Variants in CMTM4 observed in about 807,000 individuals in gnomAD.
CMTM4 encodes the protein CKLF like MARVEL transmembrane domain containing 4.
A neutral mutation model predicts 19.0 loss-of-function variants in CMTM4; 8 were observed. That is an observed-to-expected ratio of 0.42 (90% CI 0.25 to 0.76). The LOEUF (loss-of-function observed/expected upper bound fraction) is 0.76, where lower values mean the gene tolerates loss of function less well. CMTM4 is among the 30% of genes least tolerant of loss of function. The probability of loss-of-function intolerance (pLI) is 0.27; values close to 1 mark genes in which losing one functional copy is unlikely to be tolerated. For synonymous variants in CMTM4, 106 were observed against 121.1 expected, an observed-to-expected ratio of 0.88 and a Z score of 0.82; for missense variants, 228 against 290.2, an observed-to-expected ratio of 0.79 and a Z score of 1.56.
chr16:66,604,827 C>T, the CMTM4 span: 1 of 1,315,202 alleles, frequency 7.6e-7, no homozygotes. Context: ...AGACCCCGAC[C>T]CCGACCCGGA....
rs1248449877 is a variant in CMTM4 at position 66,619,666 on chromosome 16, C to CACGT, written c.*2388_*2391dup. Reference sequence around the variant, plus strand: ...CTATTCCCTCCAGAACTTTCGTCACCACGTGGTCTATACATGATGACATGT... The same window carrying CACGT: ...CTATTCCCTCCAGAACTTTCGTCACCACGTACGTGGTCTATACATGATGACATGT... On this transcript the variant is annotated 3_prime_UTR_variant, in exon 4 of 4. Transcript: ENST00000394106. 3.0e-6 allele frequency: 3 copies of CACGT among 985,342 alleles called. No homozygotes were observed. The highest frequency in any genetic ancestry group is 3.6e-6 in the Non-Finnish European group (3 of 829,930). 61.0% of individuals were successfully genotyped at this position (985,342 alleles called of 1,614,324 possible).
rs946614809 is a variant in CMTM4, at chr16:66,621,724, G to A, written c.*334C>T. The A allele has an allele frequency of 4.5e-6, 5 of 1,107,488 alleles. No individual in the cohort carries two copies. The highest frequency in any genetic ancestry group is 4.0e-4 in the Middle Eastern group (1 of 2,470). 68.6% of individuals were successfully genotyped at this position (1,107,488 alleles called of 1,614,324 possible). On this transcript the variant is annotated 3_prime_UTR_variant, in exon 4 of 4. Transcript: ENST00000394106. ...ATTCCTTCATATTTCCCCCCTCTTA[G>A]CAGCCCCATTTAATCCAAAGTCTTG... is the stretch of plus-strand genomic sequence containing the variant.
chr16:66,598,993 T>C, the CMTM4 span, among the ~76,000 whole-genome samples: 1 of 151,214 alleles, frequency 6.6e-6, no homozygotes, highest in East Asian at 1.9e-4. Context: ...AGAAAAGAAA[T>C]AAGAGGCTGG....
downstream of CMTM4, chr16:66,613,047 G>A (rs200048656): frequency 6.3e-4 from 443 of 703,006 alleles, no homozygotes; most frequent in Non-Finnish European, 9.8e-4. Flanking sequence ...AACCATGACA[G>A]GGCTGCCCCG....
At chr16:66,628,657 C>G (rs1373310055) in intron 2 of CMTM4, among the ~76,000 whole-genome samples, 1 of 152,194 alleles carries the variant, frequency 6.6e-6, no homozygotes, top group Non-Finnish European at 1.5e-5. Flanking sequence ...GTTCAAGGTA[C>G]AGGTAAAAAT....
At chr16:66,679,973 C>T (rs2016877804) in intron 1 of CMTM4, among the ~76,000 whole-genome samples, 1 of 152,158 alleles carries the variant, frequency 6.6e-6, no homozygotes, top group African/African-American at 2.4e-5. Flanking sequence ...CAGTTATTGA[C>T]CCCAATAGGC....
chr16:66,685,835 T>C (rs756061030), intron 1 of CMTM4, among the ~76,000 whole-genome samples: 4 of 152,072 alleles, frequency 2.6e-5, no homozygotes, highest in Non-Finnish European at 5.9e-5. Flanking sequence ...AGTAGAGATC[T>C]TGTTTCACCA....
Position 66,618,760 on chromosome 16 carries a change from A to G in CMTM4, c.*3298T>C. 2 of 985,498 alleles carry G rather than the reference A, an allele frequency of 2.0e-6. No individual in the cohort carries two copies. The highest frequency in any genetic ancestry group is 2.4e-6 in the Non-Finnish European group (2 of 829,950). The allele number at this position is 985,498 out of a possible 1,614,324, so 61.0% of individuals were successfully genotyped here. On this transcript the variant is annotated 3_prime_UTR_variant, in exon 4 of 4. Coordinates refer to ENST00000394106, the MANE Select transcript of CMTM4 (RefSeq NM_181521.3). Reference sequence around the variant, plus strand: ...CTTGAAGAGAGTCAGAATGTTTTCAACTGAGTCACGAAGCTGTCCCAGAAG... The same window carrying G: ...CTTGAAGAGAGTCAGAATGTTTTCAGCTGAGTCACGAAGCTGTCCCAGAAG...
At chr16:66,679,707 C>T (rs764343128) in intron 1 of CMTM4, among the ~76,000 whole-genome samples, 4 of 151,728 alleles carry the variant, frequency 2.6e-5, no homozygotes, top group Non-Finnish European at 5.9e-5. Flanking sequence ...GCCTGTAATC[C>T]CAGCTACTCG....
intron 1 of CMTM4, among the ~76,000 whole-genome samples, chr16:66,670,262 C>T (rs905562483): frequency 2.0e-5 from 3 of 150,186 alleles, no homozygotes; most frequent in Non-Finnish European, 4.4e-5. Context: ...GCCTGGCCAA[C>T]ATGGTGAAAC....
chr16:66,658,877 C>G (rs572044799), intron 1 of CMTM4, among the ~76,000 whole-genome samples: 2 of 152,276 alleles, frequency 1.3e-5, no homozygotes, highest in South Asian at 4.1e-4. Flanking sequence ...TGCGGAATTT[C>G]AAACAGATGG....
At chr16:66,682,780 C>T (rs976162069) in intron 1 of CMTM4, among the ~76,000 whole-genome samples, 3 of 151,982 alleles carry the variant, frequency 2.0e-5, no homozygotes, top group Non-Finnish European at 4.4e-5. Flanking sequence ...CCAGTTGTGA[C>T]TTTTTCTTTG....
In CMTM4 at chr16:66,618,609, CTCAT is replaced by C; in HGVS notation, c.*3445_*3448del. On this transcript the variant is annotated 3_prime_UTR_variant, in exon 4 of 4. Transcript: ENST00000394106. ...TGGCACCCACTAGGGTTGTTCAGGT[CTCAT>C]TCACTGCAAGCAAGAATTCACGTAC... 1.0e-6 allele frequency: 1 copy of C among 985,470 alleles called. No individual in the cohort carries two copies. Among genetic ancestry groups the C allele is most frequent in the Non-Finnish European group, 1.2e-6 (1 of 829,956 alleles). 61.0% of individuals were successfully genotyped at this position (985,470 alleles called of 1,614,324 possible).
the CMTM4 span, chr16:66,609,683 G>T: frequency 6.5e-7 from 1 of 1,540,126 alleles, no homozygotes; most frequent in South Asian, 1.2e-5. This position sits in a 1 kb window ranked among gnomAD's most constrained non-coding sequence, Gnocchi z 4.4. Flanking sequence ...ATTAAAGACT[G>T]ACTCTACCCG....
intron 1 of CMTM4, among the ~76,000 whole-genome samples, chr16:66,663,842 A>T (rs573155681): frequency 6.6e-6 from 1 of 151,716 alleles, no homozygotes; most frequent in Admixed American, 6.6e-5. Flanking sequence ...CACCCGGCCC[A>T]TTTGCTTCTT....
intron 1 of CMTM4, among the ~76,000 whole-genome samples, chr16:66,660,186 G>A (rs943240083): frequency 6.6e-6 from 1 of 152,020 alleles, no homozygotes; most frequent in Non-Finnish European, 1.5e-5. Context: ...CCAGGAGTTG[G>A]AGACCAGCCC....
At position 66,696,580 on chromosome 16, in the gene CMTM4, G is replaced by A. The variant is rs1263837304; in HGVS notation, c.-55C>T. 18 of 1,068,628 alleles carry A rather than the reference G, an allele frequency of 1.7e-5. No homozygotes were observed. The South Asian group carries it at 4.4e-4, about 26-fold the overall frequency. 66.2% of individuals were successfully genotyped at this position (1,068,628 alleles called of 1,614,324 possible). ...GGCTGGCTCCCGGCGCCAGGAGCGG[G>A]CGGACTCAGCGGGGCCGCCGCATCG... is the stretch of plus-strand genomic sequence containing the variant. On this transcript the variant is annotated 5_prime_UTR_variant, in exon 1 of 4. Transcript: ENST00000394106. The surrounding 1 kb of genome is among the most constrained non-coding windows in gnomAD (Gnocchi z 4.3).
chr16:66,675,326 C>T (rs2016790868), intron 1 of CMTM4, among the ~76,000 whole-genome samples: 1 of 151,990 alleles, frequency 6.6e-6, no homozygotes. Context: ...GGTGATCCAT[C>T]CTCTTCGGGC....
At chr16:66,673,361 C>T (rs1171930364) in intron 1 of CMTM4, among the ~76,000 whole-genome samples, 1 of 151,644 alleles carries the variant, frequency 6.6e-6, no homozygotes, top group African/African-American at 2.4e-5. Flanking sequence ...GCTCACACCA[C>T]CATGCTCAGC....
Sources: gnomAD v4.1 joint callset for allele counts (sites outside exome capture counted in the v4.1 genomes callset) on GRCh38, gnomAD v4.1.1 for gene constraint, Gnocchi (gnomAD v3.1) non-coding constraint, MANE v1.5 for transcripts, NCBI Gene and HGNC (gene_info 2026-07-23, HGNC 2026-07-21) for gene names.